The following CWF19L1 variants were observed in gnomAD, a reference collection of about 807,000 sequenced individuals.
The protein encoded by CWF19L1 is CWF19 like cell cycle control factor 1, also known as CWF19-like protein 1.
A neutral mutation model predicts 69.7 loss-of-function variants in CWF19L1; 60 were observed. The ratio of observed to expected loss-of-function variants is 0.86; its 90% CI spans 0.70 to 1.07. The LOEUF is 1.07. Ranked by LOEUF, CWF19L1 falls within the 50% of genes least tolerant of loss-of-function variation. The pLI is 0.00. For missense variants in CWF19L1, 591 were observed against 638.9 expected (o/e 0.92, Z 0.81); for synonymous variants, 209 against 222.2 (o/e 0.94, Z 0.53).
At position 100,237,403 on chromosome 10, in the gene CWF19L1, A is replaced by C. The variant is rs1164415255; in HGVS notation, c.1255-434T>G. 7 of 396,480 alleles carry C rather than the reference A, an allele frequency of 1.8e-5. No individual in the cohort carries two copies. In the East Asian group the frequency reaches 4.3e-4, roughly 24 times the overall value. The allele number at this position is 396,480 out of a possible 1,614,324, so 24.6% of individuals were successfully genotyped here. On this transcript the variant is annotated intron_variant, in intron 11 of 13. Transcript: ENST00000354105. Reference sequence around the variant, plus strand: ...TTCCCTCATGCTGGGCCTCCACACAAAATACTCACTTTCTTCCAAATTCTT... The same window carrying C: ...TTCCCTCATGCTGGGCCTCCACACACAATACTCACTTTCTTCCAAATTCTT...
intron 9 of CWF19L1, among the ~76,000 whole-genome samples, chr10:100,244,342 C>T (rs949761355): frequency 2.6e-5 from 4 of 152,288 alleles, no homozygotes; most frequent in South Asian, 2.1e-4. Flanking sequence ...AGAACAGCCT[C>T]GAAGTCAGGC....
At chr10:100,266,753 C>A (rs2134333591) in intron 1 of CWF19L1, among the ~76,000 whole-genome samples, 3 of 151,446 alleles carry the variant, frequency 2.0e-5, no homozygotes, top group East Asian at 3.9e-4. Context: ...CTCCTGACCG[C>A]AAGTGATCCG....
rs373550639 is a variant in CWF19L1, at chr10:100,237,640, T to G, written c.1254+382A>C. On this transcript the variant is annotated intron_variant, in intron 11 of 13. Coordinates refer to ENST00000354105, the MANE Select transcript of CWF19L1 (RefSeq NM_018294.6). ...TATTAAATATTTTACATATTAAAGC[T>G]AAACTTTATATAATTTTTTTTTTAA... Among the ~76,000 whole-genome samples, 18 of 152,158 alleles carry G rather than the reference T, an allele frequency of 1.2e-4. 1 individual carries two copies. In the East Asian group the frequency reaches 1.5e-3, roughly 13 times the overall value.
At position 100,256,371 on chromosome 10, in the gene CWF19L1, T is replaced by C. The variant is rs1461632690; in HGVS notation, c.395A>G (p.Asp132Gly). The C allele has an allele frequency of 1.9e-6, 3 of 1,614,022 alleles. No individual in the cohort carries two copies. The African/African-American group carries it at 4.0e-5, about 22-fold the overall frequency. The change falls in exon 5 of 14, where the codon GAT becomes GGT. Residue 132 changes from aspartate to glycine, a missense_variant. Asp to Gly is a moderately conservative substitution (Grantham distance 94). Around this residue, in one of 3 missense-constraint regions of CWF19L1, gnomAD observed 458 missense variants for 489.3 expected, o/e 0.94. Transcript: ENST00000354105. ...CAGCATCATTCTCAGAGAAGACACATCCTTGGGACTAAAACTATAACCTGG... is the reference window on the plus strand; with the variant it reads ...CAGCATCATTCTCAGAGAAGACACACCCTTGGGACTAAAACTATAACCTGG... ...PVPGYSFSPK[D>G]VSSLRMMLCT...
intron 11 of CWF19L1, 67 bp from the exon 12 acceptor site, chr10:100,237,036 CT>C: frequency 6.6e-7 from 1 of 1,523,360 alleles, no homozygotes; most frequent in East Asian, 2.3e-5. Flanking sequence ...TGCACAGTCT[CT>C]GAGAAGTAGC....
At chr10:100,245,102 A>G (rs1589617448) in intron 9 of CWF19L1, among the ~76,000 whole-genome samples, 1 of 150,650 alleles carries the variant, frequency 6.6e-6, no homozygotes, top group East Asian at 2.0e-4. Flanking sequence ...GGCTCACTGC[A>G]ACCTCTGCCT....
intron 5 of CWF19L1, 69 bp from the exon 6 acceptor site, chr10:100,253,608 C>A: frequency 1.1e-6 from 1 of 888,950 alleles, no homozygotes; most frequent in Non-Finnish European, 1.9e-6. Flanking sequence ...AATAATAAGA[C>A]ATTTTGAAAT....
At chr10:100,256,612 C>T (rs1288055857) in intron 4 of CWF19L1, 136 bp from the exon 5 acceptor site, 3 of 667,964 alleles carry the variant, frequency 4.5e-6, no homozygotes, top group Non-Finnish European at 2.6e-6. Context: ...TCCAGCAGCT[C>T]CCTTCTGGCT....
intron 10 of CWF19L1, among the ~76,000 whole-genome samples, chr10:100,240,225 A>G (rs1234549780): frequency 2.0e-5 from 3 of 152,218 alleles, no homozygotes; most frequent in Non-Finnish European, 4.4e-5. Flanking sequence ...TGATTTTGCA[A>G]TAATTATTTT....
At position 100,245,814 on chromosome 10, in the gene CWF19L1, G is replaced by A. The variant is rs1846799593; in HGVS notation, c.949C>T (p.Gln317Ter). The A allele has an allele frequency of 1.2e-6, 2 of 1,613,570 alleles. No homozygotes were observed. Among genetic ancestry groups the A allele is most frequent in the South Asian group, 2.2e-5 (2 of 91,062 alleles). ...AGGTACTTACGAGGTTTGCGAGGCT[G>A]CTTTGGATGAGGAGAAGATTTGCTA... Reference protein sequence around the residue: ...RDSKSSPHPKQPRKPPQPPGP... With the variant: ...RDSKSSPHPK Residue 317 changes from glutamine (Q) to a stop codon, truncating the protein, a stop_gained, in exon 9 of 14, where the codon CAG (glutamine) becomes TAG (stop). Transcript: ENST00000354105. LOFTEE classifies it high-confidence loss of function.
intron 6 of CWF19L1, among the ~76,000 whole-genome samples, chr10:100,250,798 A>C (rs1320518615): frequency 6.6e-6 from 1 of 152,060 alleles, no homozygotes; most frequent in Non-Finnish European, 1.5e-5. Flanking sequence ...AAATTTTTTA[A>C]TTAACTGGGC....
At chr10:100,256,200 A>T in intron 5 of CWF19L1, 62 bp downstream of exon 5, 1 of 1,262,036 alleles carries the variant, frequency 7.9e-7, no homozygotes, top group Non-Finnish European at 1.2e-6. Context: ...AAAAGAAAAA[A>T]GTCCCAACTC....
At chr10:100,254,584 T>C (rs1364244367) in intron 5 of CWF19L1, 1 of 152,166 alleles carries the variant, frequency 6.6e-6, no homozygotes, top group Non-Finnish European at 1.5e-5. Context: ...GCTTGTTTCC[T>C]TCAGGTTTCT....
At chr10:100,248,507 C>A in intron 7 of CWF19L1, 1 of 682,456 alleles carries the variant, frequency 1.5e-6, no homozygotes. Flanking sequence ...TCACTGATAG[C>A]AAAGATTTAC....
intron 1 of CWF19L1, among the ~76,000 whole-genome samples, chr10:100,265,519 CTTTTTCTTTTTTTT>C (rs1365515035): frequency 7.7e-6 from 1 of 130,464 alleles, no homozygotes; most frequent in Non-Finnish European, 1.6e-5. Context: ...TTCTTTTTTT[CTTTTTCTTTTTTTT>C]TTTTTTTGAG....
chr10:100,238,259 C>T (rs2134277653), intron 10 of CWF19L1, 28 bp from the exon 11 acceptor site: 1 of 1,598,998 alleles, frequency 6.3e-7, no homozygotes, highest in Non-Finnish European at 8.6e-7. Flanking sequence ...AGAATTGAGA[C>T]ATCAATACAG....
At chr10:100,263,603 C>T (rs1589635761) in intron 1 of CWF19L1, among the ~76,000 whole-genome samples, 1 of 152,218 alleles carries the variant, frequency 6.6e-6, no homozygotes. Context: ...AGTTGTCACA[C>T]GGAATTACCA....
chr10:100,257,474 A>G (rs1358203534), intron 4 of CWF19L1, among the ~76,000 whole-genome samples: 1 of 151,334 alleles, frequency 6.6e-6, no homozygotes, highest in African/African-American at 2.4e-5. Context: ...TAATTTTTCT[A>G]TTTTTAGTAG....
At position 100,233,277 on chromosome 10, in the gene CWF19L1, G is replaced by A. The variant is rs771615315; in HGVS notation, c.1567C>T (p.Arg523Cys). 21 of 1,613,568 alleles carry A rather than the reference G, an allele frequency of 1.3e-5. No homozygotes were observed. In the African/African-American group the frequency reaches 1.3e-4, roughly 10 times the overall value. ...GGCTCAAAGTCTTTCCGGAAGCGGC[G>A]AGCCAGGGTCTCCTCGTCTTCCTTG... ...ISKEDEETLA[R>C]RFRKDFEPYD... The change falls in exon 14 of 14, where the codon CGC becomes TGC. Residue 523 changes from arginine to cysteine, a missense_variant. Arg to Cys is a radical substitution (Grantham distance 180). Transcript: ENST00000354105.
Sources: allele counts gnomAD v4.1 joint callset (sites outside exome capture counted in the v4.1 genomes callset), GRCh38; gene constraint gnomAD v4.1.1; regional missense constraint gnomAD v4.1.1; transcripts MANE v1.5; gene names NCBI Gene and HGNC (gene_info 2026-07-23, HGNC 2026-07-21).